Variants in TRIM59 observed in about 807,000 individuals in gnomAD.
The protein encoded by TRIM59 is tripartite motif-containing protein 59.
TRIM59 carries 14 observed loss-of-function variants against 32.2 expected under a neutral mutation model. That is an observed-to-expected ratio of 0.43 (90% CI 0.29 to 0.68). TRIM59 has a LOEUF of 0.68. Among genes scored for constraint, TRIM59 ranks in the 30% least tolerant of loss-of-function variants. TRIM59 has a pLI of 0.15. For synonymous variants in TRIM59, 163 were observed against 155.1 expected, an observed-to-expected ratio of 1.05 and a Z score of -0.38; for missense variants, 471 against 463.3, an observed-to-expected ratio of 1.02 and a Z score of -0.15.
chr3:160,436,011 T>C lies in TRIM59; in HGVS notation c.*1961A>G. 8.1e-7 allele frequency: 1 copy of C among 1,231,528 alleles called. No individual in the cohort carries two copies. The highest frequency in any genetic ancestry group is 1.0e-6 in the Non-Finnish European group (1 of 963,190). The allele number at this position is 1,231,528 out of a possible 1,614,324, so 76.3% of individuals were successfully genotyped here. Reference sequence around the variant, plus strand: ...GAAACTACAGGGCACTTTTATGGTGTGACTAGTATTTTAAGTAATCAGTGC... The same window carrying C: ...GAAACTACAGGGCACTTTTATGGTGCGACTAGTATTTTAAGTAATCAGTGC... On this transcript the variant is annotated 3_prime_UTR_variant, in exon 3 of 3. Transcript: ENST00000309784.
intron 2 of TRIM59, among the ~76,000 whole-genome samples, chr3:160,447,382 C>T (rs1462666770): frequency 3.3e-5 from 5 of 152,172 alleles, no homozygotes; most frequent in South Asian, 2.1e-4. Context: ...TGAATCTTCT[C>T]AGAAAGAAAC....
rs895274943 is a variant in TRIM59 at position 160,437,995 on chromosome 3, C to T, written c.1189G>A (p.Val397Met). 2.6e-6 allele frequency: 4 copies of T among 1,552,132 alleles called. No individual in the cohort carries two copies. The African/African-American group carries it at 5.5e-5, about 21-fold the overall frequency. ...TTTCAATGGGAAACTATTTTCCACACAAATTCCTTCAACAAATAGAAAATG... is the reference window on the plus strand; with the variant it reads ...TTTCAATGGGAAACTATTTTCCACATAAATTCCTTCAACAAATAGAAAATG... ...CHIFYLLKEF[V>M]WKIVSH is the part of the protein sequence containing the mutation. Residue 397 changes from valine (V) to methionine (M), a missense_variant, in exon 3 of 3, where the codon GTG becomes ATG. Val to Met is a conservative substitution (Grantham distance 21). Transcript: ENST00000309784.
At position 160,436,043 on chromosome 3, in the gene TRIM59, GTATTTTT is replaced by G; in HGVS notation, c.*1922_*1928del. On this transcript the variant is annotated 3_prime_UTR_variant, in exon 3 of 3. Transcript: ENST00000309784. ...TATTTTAAGTAATCAGTGCAACTTA[GTATTTTT>G]ATCTCTAGCTGAGTATGTGTCTCTC... is the stretch of plus-strand genomic sequence containing the variant. The G allele has an allele frequency of 8.5e-7, 1 of 1,177,650 alleles. No homozygotes were observed. The highest frequency in any genetic ancestry group is 3.6e-5 in the Admixed American group (1 of 27,644). 73.0% of individuals were successfully genotyped at this position (1,177,650 alleles called of 1,614,324 possible). A position where few individuals can be genotyped will look rare whatever the true frequency, so the allele number is the denominator to read the frequency against.
At position 160,436,465 on chromosome 3, in the gene TRIM59, C is replaced by T. The variant is rs1718952931; in HGVS notation, c.*1507G>A. Reference sequence around the variant, plus strand: ...GTCCCTGTTAAAGGGAACTAAAGGGCTTTGATTTAATTGGCCCTCTTAAGC... The same window carrying T: ...GTCCCTGTTAAAGGGAACTAAAGGGTTTTGATTTAATTGGCCCTCTTAAGC... On this transcript the variant is annotated 3_prime_UTR_variant, in exon 3 of 3. Coordinates refer to ENST00000309784, the MANE Select transcript of TRIM59 (RefSeq NM_173084.3). 2.0e-6 allele frequency: 2 copies of T among 985,832 alleles called. No homozygotes were observed. The highest frequency in any genetic ancestry group is 4.7e-5 in the South Asian group (1 of 21,284). The allele number at this position is 985,832 out of a possible 1,614,324, so 61.1% of individuals were successfully genotyped here.
chr3:160,445,675 G>A (rs560834184), intron 2 of TRIM59, among the ~76,000 whole-genome samples: 9 of 151,260 alleles, frequency 6.0e-5, no homozygotes, highest in Non-Finnish European at 1.3e-4. Flanking sequence ...TCGGGAGGCT[G>A]AGGCAGGAGA....
chr3:160,436,885 G>C lies in TRIM59; in HGVS notation c.*1087C>G, dbSNP rs976233399. 1 of 981,660 alleles carries C rather than the reference G, an allele frequency of 1.0e-6. No individual in the cohort carries two copies. 60.8% of individuals were successfully genotyped at this position (981,660 alleles called of 1,614,324 possible). ...GGAATGTGGTAGAAAATTTAAATGAGTTAAGATGAATAAAGTCCACATGAT... is the reference window on the plus strand; with the variant it reads ...GGAATGTGGTAGAAAATTTAAATGACTTAAGATGAATAAAGTCCACATGAT... On this transcript the variant is annotated 3_prime_UTR_variant, in exon 3 of 3. Coordinates refer to ENST00000309784, the MANE Select transcript of TRIM59 (RefSeq NM_173084.3).
chr3:160,443,972 T>C (rs1258079594), intron 2 of TRIM59, among the ~76,000 whole-genome samples: 3 of 152,098 alleles, frequency 2.0e-5, no homozygotes, highest in Non-Finnish European at 4.4e-5. Flanking sequence ...AAATGCTTCA[T>C]GTATATGAAA....
At position 160,438,410 on chromosome 3, in the gene TRIM59, G is replaced by A. The variant is rs895244924; in HGVS notation, c.774C>T (p.Arg258=). 3.0e-5 allele frequency: 49 copies of A among 1,613,914 alleles called. No homozygotes were observed. The highest frequency in any genetic ancestry group is 4.2e-5 in the Non-Finnish European group (49 of 1,179,974). The change falls in exon 3 of 3, where the codon CGC becomes CGT. Residue 258 remains arginine (R), a synonymous_variant. Transcript: ENST00000309784. The part of the protein sequence containing the change: ...LKFLEKVDDV[R]QHVQILKQRP... The stretch of plus-strand genomic sequence containing the variant: ...TTTGTTTCAAGATCTGTACATGCTG[G>A]CGTACATCATCAACTTTTTCAAGAA...
In TRIM59 at chr3:160,437,512, A is replaced by T; in HGVS notation, c.*460T>A. On this transcript the variant is annotated 3_prime_UTR_variant, in exon 3 of 3. Transcript: ENST00000309784. ...TTAAGCCATGCCTTATCACTTTAAGACTTTGTTGCTTGATTTTGAAACCTT... is the reference window on the plus strand; with the variant it reads ...TTAAGCCATGCCTTATCACTTTAAGTCTTTGTTGCTTGATTTTGAAACCTT... The T allele has an allele frequency of 1.0e-6, 1 of 985,606 alleles. No individual in the cohort carries two copies. Among genetic ancestry groups the T allele is most frequent in the Non-Finnish European group, 1.2e-6 (1 of 830,082 alleles). 61.1% of individuals were successfully genotyped at this position (985,606 alleles called of 1,614,324 possible).
At chr3:160,443,670 G>C (rs1229386608) in intron 2 of TRIM59, among the ~76,000 whole-genome samples, 3 of 151,616 alleles carry the variant, frequency 2.0e-5, no homozygotes, top group African/African-American at 7.3e-5. Context: ...ACAGAGTCTC[G>C]CTCTGTCGCC....
At position 160,438,954 on chromosome 3, in the gene TRIM59, A is replaced by C; in HGVS notation, c.230T>G (p.Phe77Cys). ...CTTTTCAATAATAGCCCTTAGTGCA[A>C]AATTAACAGGTAAAGATTCAATGCC... ...PTGIESLPVN[F>C]ALRAIIEKYQ... Residue 77 changes from phenylalanine (F) to cysteine (C), a missense_variant, in exon 3 of 3, where the codon TTT becomes TGT. By Grantham distance (205) the Phe-to-Cys change is radical. Coordinates refer to ENST00000309784, the MANE Select transcript of TRIM59 (RefSeq NM_173084.3). The C allele has an allele frequency of 6.2e-7, 1 of 1,614,114 alleles. No homozygotes were observed. The highest frequency in any genetic ancestry group is 8.5e-7 in the Non-Finnish European group (1 of 1,180,000).
At position 160,436,010 on chromosome 3, in the gene TRIM59, G is replaced by T. The variant is rs918400531; in HGVS notation, c.*1962C>A. On this transcript the variant is annotated 3_prime_UTR_variant, in exon 3 of 3. Transcript: ENST00000309784. ...TGAAACTACAGGGCACTTTTATGGTGTGACTAGTATTTTAAGTAATCAGTG... is the reference window on the plus strand; with the variant it reads ...TGAAACTACAGGGCACTTTTATGGTTTGACTAGTATTTTAAGTAATCAGTG... 1.1e-5 allele frequency: 14 copies of T among 1,237,562 alleles called. No individual in the cohort carries two copies. The East Asian group carries it at 7.4e-4, about 66-fold the overall frequency. 76.7% of individuals were successfully genotyped at this position (1,237,562 alleles called of 1,614,324 possible).
rs1718904634 is a variant in TRIM59, at chr3:160,435,738, C to T, written c.*2234G>A. The T allele has an allele frequency of 3.0e-6, 1 of 330,706 alleles. No individual in the cohort carries two copies. Among genetic ancestry groups the T allele is most frequent in the African/African-American group, 2.2e-5 (1 of 45,948 alleles). The allele number at this position is 330,706 out of a possible 1,614,324, so 20.5% of individuals were successfully genotyped here. A position where few individuals can be genotyped will look rare whatever the true frequency, so the allele number is the denominator to read the frequency against. On this transcript the variant is annotated 3_prime_UTR_variant, in exon 3 of 3. Coordinates refer to ENST00000309784, the MANE Select transcript of TRIM59 (RefSeq NM_173084.3). The stretch of plus-strand genomic sequence containing the variant: ...TGTCAAATCTAAAATGATATATATA[C>T]TTACGTTTTTAGCATTCTTACAGAT...
intron 2 of TRIM59, among the ~76,000 whole-genome samples, chr3:160,440,559 T>G (rs926330658): frequency 1.3e-5 from 2 of 152,170 alleles, no homozygotes; most frequent in Non-Finnish European, 1.5e-5. Flanking sequence ...AGCTTACCCC[T>G]TGATAGAGAA....
rs543903709 is a variant in TRIM59, at chr3:160,438,073, CAGAT to C, written c.1107_1110del (p.Ser370PhefsTer12). ...AGACTGTTAGATAAACTTTGGTAAA[CAGAT>C]AGAGAGGCTTCAGAAAACCATATTA... On this transcript the variant is annotated frameshift_variant, in exon 3 of 3. Coordinates refer to ENST00000309784, the MANE Select transcript of TRIM59 (RefSeq NM_173084.3). LOFTEE classifies it high-confidence loss of function. 2,816 of 1,610,460 alleles carry C rather than the reference CAGAT, an allele frequency of 1.7e-3. 11 individuals are homozygous for C. The highest frequency in any genetic ancestry group is 7.6e-3 in the Middle Eastern group (46 of 6,038).
At position 160,438,293 on chromosome 3, in the gene TRIM59, A is replaced by C. The variant is rs1222065906; in HGVS notation, c.891T>G (p.Ile297Met). The C allele has an allele frequency of 6.2e-7, 1 of 1,613,586 alleles. No homozygotes were observed. The highest frequency in any genetic ancestry group is 1.3e-5 in the African/African-American group (1 of 74,896). The change falls in exon 3 of 3, where the codon ATT (isoleucine) becomes ATG (methionine). Residue 297 changes from isoleucine (I) to methionine (M), a missense_variant. Transcript: ENST00000309784. ...EEWSRTEIGQ[I>M]KNVLIPKMKI... ...TCATTTTGGGAATGAGAACGTTCTT[A>C]ATTTGTCCAATTTCTGTTCTGCTCC...
At chr3:160,442,961 A>G (rs761369227) in intron 2 of TRIM59, among the ~76,000 whole-genome samples, 16 of 152,084 alleles carry the variant, frequency 1.1e-4, no homozygotes, top group Non-Finnish European at 1.9e-4. Context: ...CTCTACAAAA[A>G]ATTAAACATT....
intron 2 of TRIM59, among the ~76,000 whole-genome samples, chr3:160,440,088 C>T (rs1262100137): frequency 6.6e-6 from 1 of 152,148 alleles, no homozygotes; most frequent in Non-Finnish European, 1.5e-5. Flanking sequence ...ACTGTTACTA[C>T]CATAAATTTT....
At chr3:160,447,007 A>T (rs769763087) in intron 2 of TRIM59, among the ~76,000 whole-genome samples, 30 of 151,272 alleles carry the variant, frequency 2.0e-4, no homozygotes, top group Non-Finnish European at 2.9e-4. Context: ...ACACAGTTTC[A>T]GTTTGGGAAG....
Sources: gnomAD v4.1 joint callset for allele counts (sites outside exome capture counted in the v4.1 genomes callset) on GRCh38, gnomAD v4.1.1 for gene constraint, MANE v1.5 for transcripts, NCBI Gene and HGNC (gene_info 2026-07-23, HGNC 2026-07-21) for gene names.